HIBADH: variants seen among roughly 807,000 people sequenced by gnomAD.
The protein encoded by HIBADH is 3-hydroxyisobutyrate dehydrogenase, mitochondrial.
A neutral mutation model predicts 36.1 loss-of-function variants in HIBADH; 25 were observed. The observed-to-expected ratio is 0.69, with a 90% CI of 0.50 to 0.97. The LOEUF (loss-of-function observed/expected upper bound fraction) is 0.97, where lower values mean the gene tolerates loss of function less well. HIBADH is among the 50% of genes least tolerant of loss of function. The probability of loss-of-function intolerance (pLI) is 0.00; values close to 1 mark genes in which losing one functional copy is unlikely to be tolerated. For synonymous variants in HIBADH, 160 were observed against 149.5 expected (o/e 1.07, Z -0.51); for missense variants, 421 against 418.0 (o/e 1.01, Z -0.06).
intron 1 of HIBADH, among the ~76,000 whole-genome samples, chr7:27,651,526 T>C (rs909238263): frequency 1.3e-5 from 2 of 152,186 alleles, no homozygotes; most frequent in African/African-American, 2.4e-5. Context: ...CTAGCAATAA[T>C]AGCCAGAAAG....
At chr7:27,651,965 G>A (rs1053926164) in intron 1 of HIBADH, among the ~76,000 whole-genome samples, 1 of 151,976 alleles carries the variant, frequency 6.6e-6, no homozygotes, top group African/African-American at 2.4e-5. Flanking sequence ...AGGAGGAGGG[G>A]AACTCCATAC....
At chr7:27,642,100 C>A (rs1785971226) in intron 2 of HIBADH, among the ~76,000 whole-genome samples, 1 of 152,178 alleles carries the variant, frequency 6.6e-6, no homozygotes, top group African/African-American at 2.4e-5. Flanking sequence ...GACCCAGAAC[C>A]CACCTTCTTT....
chr7:27,613,122 ATTTATATATATTTATATAAATATAT>A (rs1785354958), intron 4 of HIBADH, among the ~76,000 whole-genome samples: 1 of 109,986 alleles, frequency 9.1e-6, no homozygotes, highest in Non-Finnish European at 1.8e-5. Flanking sequence ...ATATAAATAT[ATTTATATATATTTATATAAATATAT>A]TTTATATAAA....
At chr7:27,653,289 T>C (rs987572264) in intron 1 of HIBADH, among the ~76,000 whole-genome samples, 1 of 152,092 alleles carries the variant, frequency 6.6e-6, no homozygotes, top group Non-Finnish European at 1.5e-5. Context: ...ATGGATTGGA[T>C]TATAGGCTAA....
At position 27,632,357 on chromosome 7, in the gene HIBADH, G is replaced by T; in HGVS notation, c.341C>A (p.Ser114Tyr). 6.2e-7 allele frequency: 1 copy of T among 1,609,420 alleles called. No homozygotes were observed. Among genetic ancestry groups the T allele is most frequent in the Non-Finnish European group, 8.5e-7 (1 of 1,176,042 alleles). ...ATACTTTAGAATCCCATTTGCTCCGGAATAAGCTTCTATTGCATTGATACT... is the reference window on the plus strand; with the variant it reads ...ATACTTTAGAATCCCATTTGCTCCGTAATAAGCTTCTATTGCATTGATACT... Reference protein sequence around the residue: ...PTSINAIEAYSGANGILKKVK... With the variant: ...PTSINAIEAYYGANGILKKVK... The change falls in exon 3 of 8, where the codon TCC becomes TAC. Residue 114 changes from serine (S) to tyrosine (Y), a missense_variant. Coordinates refer to ENST00000265395, the MANE Select transcript of HIBADH (RefSeq NM_152740.4).
chr7:27,597,795 G>A (rs75752251), intron 4 of HIBADH, among the ~76,000 whole-genome samples: 1,638 of 152,294 alleles, frequency 0.011, 26 homozygotes, highest in African/African-American at 0.037. Flanking sequence ...AAAGGAATTT[G>A]AAGAGGGCGT....
intron 2 of HIBADH, among the ~76,000 whole-genome samples, chr7:27,648,707 A>G (rs1436381315): frequency 6.6e-6 from 1 of 152,210 alleles, no homozygotes; most frequent in Non-Finnish European, 1.5e-5. Flanking sequence ...AGTTATTGAT[A>G]AAGTTTAACA....
chr7:27,660,675 A>T (rs77178931), intron 1 of HIBADH, among the ~76,000 whole-genome samples: 2,678 of 151,510 alleles, frequency 0.018, 50 homozygotes, highest in African/African-American at 0.048. Context: ...AAAAAAAAAA[A>T]TTTTTTTCAA....
intron 4 of HIBADH, among the ~76,000 whole-genome samples, chr7:27,569,344 T>C (rs978155506): frequency 6.6e-6 from 1 of 152,206 alleles, no homozygotes; most frequent in Non-Finnish European, 1.5e-5. Context: ...TTAATCAGAC[T>C]TTCCTGGTTC....
intron 1 of HIBADH, 110 bp downstream of exon 1, chr7:27,662,588 A>T (rs966917581): frequency 4.0e-5 from 24 of 607,386 alleles, no homozygotes; most frequent in Non-Finnish European, 5.8e-5. Context: ...TTGTTTTTTA[A>T]GCCCCAGCCC....
chr7:27,545,532 T>C (rs752701766), intron 4 of HIBADH, among the ~76,000 whole-genome samples: 1 of 152,210 alleles, frequency 6.6e-6, no homozygotes, highest in Non-Finnish European at 1.5e-5. Context: ...TCTAAAACTG[T>C]GTAAGACAGC....
intron 4 of HIBADH, among the ~76,000 whole-genome samples, chr7:27,613,159 ATATATATT>A (rs1785359245): frequency 2.3e-4 from 2 of 8,848 alleles, no homozygotes; most frequent in Non-Finnish European, 3.4e-4. Flanking sequence ...TTATATAAAT[ATATATATT>A]TATATAAATA....
At chr7:27,548,581 T>C (rs1784270127) in intron 4 of HIBADH, among the ~76,000 whole-genome samples, 1 of 152,204 alleles carries the variant, frequency 6.6e-6, no homozygotes, top group South Asian at 2.1e-4. Flanking sequence ...TGTGTAAAGA[T>C]TCAACGAGTA....
intron 4 of HIBADH, among the ~76,000 whole-genome samples, chr7:27,594,945 G>T (rs1381487579): frequency 2.6e-5 from 4 of 151,892 alleles, no homozygotes; most frequent in Admixed American, 2.6e-4. Context: ...AACTGCAAAG[G>T]AATAAAAAAT....
chr7:27,545,768 C>T (rs779204441), intron 4 of HIBADH, among the ~76,000 whole-genome samples: 1 of 152,146 alleles, frequency 6.6e-6, no homozygotes, highest in Admixed American at 6.5e-5. Context: ...TCTATTACAG[C>T]ATTTATCATA....
chr7:27,550,457 G>C (rs1197821220), intron 4 of HIBADH, among the ~76,000 whole-genome samples: 1 of 152,012 alleles, frequency 6.6e-6, no homozygotes, highest in Admixed American at 6.5e-5. Flanking sequence ...TCTAACCCTT[G>C]CAACAAAAAC....
intron 4 of HIBADH, among the ~76,000 whole-genome samples, chr7:27,612,246 T>C (rs898002950): frequency 8.5e-5 from 13 of 152,170 alleles, no homozygotes; most frequent in African/African-American, 2.9e-4. Context: ...TATAAATAAT[T>C]TCAAGTACAA....
rs10629006 is a variant in HIBADH at position 27,527,755 on chromosome 7, C to CTTTT, written c.853-1387_853-1384dup. On this transcript the variant is annotated intron_variant, in intron 7 of 7. Transcript: ENST00000265395. The stretch of plus-strand genomic sequence containing the variant: ...ACGGTGATCTGCAATCAATCAGTAA[C>CTTTT]TTTTTTTTTTTTGAGACGGAGTTTC... 1.5e-3 allele frequency among the ~76,000 whole-genome samples: 194 copies of CTTTT among 132,070 alleles called. 11 individuals carry two copies. Among genetic ancestry groups the CTTTT allele is most frequent in the African/African-American group, 2.1e-3 (72 of 33,934 alleles). 86.6% of individuals were successfully genotyped at this position (132,070 alleles called of 152,430 possible).
chr7:27,644,839 C>A (rs781693379), intron 2 of HIBADH, among the ~76,000 whole-genome samples: 1 of 151,964 alleles, frequency 6.6e-6, no homozygotes, highest in Non-Finnish European at 1.5e-5. Flanking sequence ...TCTTCCCCAG[C>A]GCTAAGCAAC....
Sources: allele counts gnomAD v4.1 joint callset (sites outside exome capture counted in the v4.1 genomes callset), GRCh38; gene constraint gnomAD v4.1.1; transcripts MANE v1.5; gene names NCBI Gene and HGNC (gene_info 2026-07-23, HGNC 2026-07-21).